UCK2: variants seen among roughly 807,000 people sequenced by gnomAD.
UCK2 encodes uridine-cytidine kinase 2.
UCK2 carries 6 observed loss-of-function variants against 30.8 expected under a neutral mutation model. The observed-to-expected ratio is 0.19, with a 90% CI of 0.11 to 0.38. The LOEUF (loss-of-function observed/expected upper bound fraction) is 0.38. Ranked by LOEUF, UCK2 falls within the 10% of genes least tolerant of loss-of-function variation. The pLI is 1.00. For synonymous variants in UCK2, 125 were observed against 133.6 expected (o/e 0.94, Z 0.45); for missense variants, 210 against 339.8 (o/e 0.62, Z 3.00).
intron 1 of UCK2, among the ~76,000 whole-genome samples, chr1:165,880,566 GGTGT>G (rs869079437): frequency 0.01 from 203 of 19,334 alleles, 2 homozygotes; most frequent in African/African-American, 0.026. Flanking sequence ...TTTTTTTGGG[GGTGT>G]GTGTGTGTGT....
chr1:165,867,542 C>T (rs1465138192), intron 1 of UCK2, among the ~76,000 whole-genome samples: 2 of 152,236 alleles, frequency 1.3e-5, no homozygotes, highest in Non-Finnish European at 2.9e-5. Flanking sequence ...ATTCTAAATC[C>T]TTTGTTAGCA....
At chr1:165,828,927 AGCTGGGT>A (rs1273510023) in intron 1 of UCK2, among the ~76,000 whole-genome samples, 1 of 152,024 alleles carries the variant, frequency 6.6e-6, no homozygotes, top group East Asian at 1.9e-4. Flanking sequence ...GGATCCTGAG[AGCTGGGT>A]GCTGGGTGCT....
intron 1 of UCK2, among the ~76,000 whole-genome samples, chr1:165,841,109 G>GTATATA (rs1427958973): frequency 0.073 from 3,393 of 46,222 alleles, 39 homozygotes; most frequent in South Asian, 0.12. Context: ...GTGTGTGTGT[G>GTATATA]TGTATATATA....
intron 1 of UCK2, among the ~76,000 whole-genome samples, chr1:165,866,102 C>A (rs900404982): frequency 1.3e-5 from 2 of 152,044 alleles, no homozygotes; most frequent in Non-Finnish European, 2.9e-5. Flanking sequence ...TTAAGTCTTC[C>A]TGGAAGAGGA....
chr1:165,895,128 T>C (rs750828957), intron 3 of UCK2, among the ~76,000 whole-genome samples: 10 of 152,172 alleles, frequency 6.6e-5, no homozygotes, highest in Non-Finnish European at 1.0e-4. Context: ...TGAAAAGTCA[T>C]GTTGGTTGAG....
chr1:165,854,560 A>C (rs1654679845), intron 1 of UCK2, among the ~76,000 whole-genome samples: 1 of 151,984 alleles, frequency 6.6e-6, no homozygotes, highest in Non-Finnish European at 1.5e-5. Context: ...TGTCTTCTAG[A>C]GTTAGACTGT....
chr1:165,850,042 G>A (rs957674953), intron 1 of UCK2, among the ~76,000 whole-genome samples: 5 of 152,208 alleles, frequency 3.3e-5, no homozygotes, highest in Non-Finnish European at 7.3e-5. Context: ...ACTTGAGATC[G>A]CTACGTGTCC....
chr1:165,891,523 C>A, intron 3 of UCK2: 1 of 561,212 alleles, frequency 1.8e-6, no homozygotes, highest in Non-Finnish European at 3.2e-6. Flanking sequence ...TTCATCTGAG[C>A]GCTCCCTGGA....
chr1:165,837,719 T>C (rs553221941), intron 1 of UCK2, among the ~76,000 whole-genome samples: 1 of 152,264 alleles, frequency 6.6e-6, no homozygotes, highest in South Asian at 2.1e-4. Flanking sequence ...CTAACAAGTG[T>C]CCAAAAACGG....
At chr1:165,904,690 GTC>G (rs1223493680) in intron 5 of UCK2, among the ~76,000 whole-genome samples, 4 of 152,202 alleles carry the variant, frequency 2.6e-5, no homozygotes, top group African/African-American at 9.6e-5. Context: ...CCTGATAAAT[GTC>G]TGCTCAGTTC....
intron 1 of UCK2, among the ~76,000 whole-genome samples, chr1:165,832,448 TC>T (rs746097921): frequency 2.7e-4 from 41 of 152,190 alleles, no homozygotes; most frequent in Non-Finnish European, 5.4e-4. Flanking sequence ...ATAAATTTCT[TC>T]CACTGTGTTT....
At chr1:165,838,463 C>T (rs1557832081) in intron 1 of UCK2, among the ~76,000 whole-genome samples, 1 of 152,210 alleles carries the variant, frequency 6.6e-6, no homozygotes. Flanking sequence ...AAGTGTTGCT[C>T]ACGTGTCTCC....
In UCK2 at chr1:165,908,884, C is replaced by T. The variant is rs1647762055; in HGVS notation, c.*1061C>T. 6.6e-6 allele frequency: 1 copy of T among 152,408 alleles called. No homozygotes were observed. Among genetic ancestry groups the T allele is most frequent in the Admixed American group, 6.6e-5 (1 of 15,250 alleles). The allele number at this position is 152,408 out of a possible 1,614,324, so 9.4% of individuals were successfully genotyped here. On this transcript the variant is annotated 3_prime_UTR_variant, in exon 7 of 7. Transcript: ENST00000367879. ...CGCCTCATGGAGTGGCAGGGGAGCT[C>T]TGTCTGTGGAGGGGTAGTAGTTTCC...
chr1:165,864,623 A>G (rs188496825), intron 1 of UCK2, among the ~76,000 whole-genome samples: 16 of 152,330 alleles, frequency 1.1e-4, no homozygotes, highest in Admixed American at 1.0e-3. Flanking sequence ...TTACATATAT[A>G]AGTAAGGTTT....
chr1:165,872,913 T>G (rs1169857643), intron 1 of UCK2, among the ~76,000 whole-genome samples: 1 of 151,626 alleles, frequency 6.6e-6, no homozygotes, highest in African/African-American at 2.4e-5. Flanking sequence ...GGAGATAGAG[T>G]AGGAAGGAGA....
intron 1 of UCK2, among the ~76,000 whole-genome samples, chr1:165,864,566 A>G (rs1185933595): frequency 6.6e-6 from 1 of 152,238 alleles, no homozygotes; most frequent in African/African-American, 2.4e-5. Context: ...CTAATAGTTA[A>G]CACTGTTACA....
At chr1:165,872,199 G>A (rs898756977) in intron 1 of UCK2, among the ~76,000 whole-genome samples, 10 of 152,036 alleles carry the variant, frequency 6.6e-5, no homozygotes, top group Admixed American at 5.2e-4. Context: ...CTCAGCCTCC[G>A]AAGTAGCTGG....
intron 1 of UCK2, among the ~76,000 whole-genome samples, chr1:165,828,401 C>T (rs897264750): frequency 1.2e-4 from 18 of 152,290 alleles, no homozygotes; most frequent in Admixed American, 5.9e-4. Context: ...CCGGGAAGCG[C>T]GGCCGAGAGG....
chr1:165,894,250 C>T (rs1183995174), intron 3 of UCK2: 1 of 152,234 alleles, frequency 6.6e-6, no homozygotes, highest in Non-Finnish European at 1.5e-5. Flanking sequence ...ATTGTGTTCT[C>T]TGTTAGTGTG....
Sources: allele counts gnomAD v4.1 joint callset (sites outside exome capture counted in the v4.1 genomes callset), GRCh38; gene constraint gnomAD v4.1.1; transcripts MANE v1.5; gene names NCBI Gene and HGNC (gene_info 2026-07-23, HGNC 2026-07-21).